The following HIVEP3 variants were observed in gnomAD, a reference collection of about 807,000 sequenced individuals.
HIVEP3 encodes transcription factor HIVEP3.
In HIVEP3, 49 loss-of-function variants were observed where a neutral mutation model predicts 152.8. The ratio of observed to expected loss-of-function variants is 0.32; its 90% CI spans 0.26 to 0.41. The LOEUF (loss-of-function observed/expected upper bound fraction) is 0.41. Among genes scored for constraint, HIVEP3 ranks in the 10% least tolerant of loss-of-function variants. The probability of loss-of-function intolerance (pLI) is 1.00; values close to 1 mark genes in which losing one functional copy is unlikely to be tolerated. For synonymous variants in HIVEP3, 1,269 were observed against 1,289.0 expected (o/e 0.98, Z 0.33); for missense variants, 2,790 against 3,103.3 (o/e 0.90, Z 2.40).
chr1:41,649,921 T>C (rs1645520714), intron 2 of HIVEP3, among the ~76,000 whole-genome samples: 1 of 151,970 alleles, frequency 6.6e-6, no homozygotes, highest in East Asian at 1.9e-4. Context: ...GCAGGCATGA[T>C]GGAATTCATC....
intron 1 of HIVEP3, among the ~76,000 whole-genome samples, chr1:41,980,400 T>C (rs1645287674): frequency 6.6e-6 from 1 of 152,218 alleles, no homozygotes; most frequent in South Asian, 2.1e-4. Context: ...TGATACATGC[T>C]ACAATGCGAT....
chr1:41,763,535 A>G (rs947135996), intron 1 of HIVEP3, among the ~76,000 whole-genome samples: 4 of 152,216 alleles, frequency 2.6e-5, no homozygotes, highest in African/African-American at 9.6e-5. Flanking sequence ...TTCATTCACT[A>G]GACTGGTAGT....
intron 2 of HIVEP3, among the ~76,000 whole-genome samples, chr1:41,631,555 G>A (rs1428592417): frequency 6.6e-6 from 1 of 151,944 alleles, no homozygotes; most frequent in Non-Finnish European, 1.5e-5. Context: ...CAACCATATC[G>A]CACTGCTGAT....
intron 3 of HIVEP3, among the ~76,000 whole-genome samples, chr1:41,610,405 C>T (rs927454610): frequency 4.6e-5 from 7 of 152,244 alleles, no homozygotes; most frequent in African/African-American, 1.7e-4. Context: ...AGGAGCCAGT[C>T]TCATTCACCA....
chr1:41,867,962 C>T (rs1644009518), intron 1 of HIVEP3, among the ~76,000 whole-genome samples: 1 of 148,664 alleles, frequency 6.7e-6, no homozygotes, highest in South Asian at 2.2e-4. Context: ...AGAGGCTTTC[C>T]ATCTCACTCA....
intron 2 of HIVEP3, among the ~76,000 whole-genome samples, chr1:41,680,992 G>A (rs368755557): frequency 6.6e-6 from 1 of 152,118 alleles, no homozygotes; most frequent in African/African-American, 2.4e-5. Context: ...ATCCCTGGAG[G>A]GGGTATTAAT....
chr1:41,532,141 A>G (rs1643278691), intron 5 of HIVEP3, among the ~76,000 whole-genome samples: 3 of 102,424 alleles, frequency 2.9e-5, no homozygotes, highest in Non-Finnish European at 6.2e-5. Context: ...TGGAGGCAGG[A>G]GAGATGGAAG....
At chr1:41,906,246 T>G (rs1644707760) in intron 1 of HIVEP3, among the ~76,000 whole-genome samples, 4 of 151,510 alleles carry the variant, frequency 2.6e-5, no homozygotes, top group African/African-American at 9.7e-5. Context: ...GAGGTGGAGG[T>G]TGCAGTGAGC....
intron 1 of HIVEP3, among the ~76,000 whole-genome samples, chr1:41,721,239 C>G (rs1217986667): frequency 6.6e-6 from 1 of 151,222 alleles, no homozygotes; most frequent in Non-Finnish European, 1.5e-5. Context: ...TTCAGTTTCA[C>G]TATTGTCGCC....
At chr1:41,529,732 C>A (rs192993237) in intron 5 of HIVEP3, among the ~76,000 whole-genome samples, 7 of 147,366 alleles carry the variant, frequency 4.8e-5, no homozygotes, top group African/African-American at 1.8e-4. Context: ...CATACACACG[C>A]CACCCTCACA....
At chr1:41,701,394 G>A (rs1046480158) in intron 1 of HIVEP3, among the ~76,000 whole-genome samples, 5 of 152,246 alleles carry the variant, frequency 3.3e-5, no homozygotes, top group African/African-American at 1.2e-4. Flanking sequence ...GCATTCAACA[G>A]CCATTTGGGA....
At chr1:41,803,718 T>C (rs1468841980) in intron 1 of HIVEP3, among the ~76,000 whole-genome samples, 2 of 152,148 alleles carry the variant, frequency 1.3e-5, no homozygotes, top group African/African-American at 4.8e-5. Flanking sequence ...CCTGGTACAC[T>C]CTCCTCAGAA....
intron 3 of HIVEP3, among the ~76,000 whole-genome samples, chr1:41,613,097 G>A (rs143463798): frequency 6.6e-6 from 1 of 152,248 alleles, no homozygotes; most frequent in Non-Finnish European, 1.5e-5. Context: ...CACTGGGCGC[G>A]GAGTCAGCCG....
chr1:41,897,674 G>A (rs1644551515), intron 1 of HIVEP3, among the ~76,000 whole-genome samples: 1 of 152,154 alleles, frequency 6.6e-6, no homozygotes, highest in Non-Finnish European at 1.5e-5. Flanking sequence ...AGATATTGAG[G>A]ATGGAGGATT....
chr1:41,506,938 A>G lies in HIVEP3; in HGVS notation c.*3513T>C, dbSNP rs1476074886. The G allele has an allele frequency of 6.6e-6, 1 of 151,678 alleles. No homozygotes were observed. Among genetic ancestry groups the G allele is most frequent in the Admixed American group, 6.6e-5 (1 of 15,184 alleles). The allele number at this position is 151,678 out of a possible 1,614,324, so 9.4% of individuals were successfully genotyped here. A position where few individuals can be genotyped will look rare whatever the true frequency, so the allele number is the denominator to read the frequency against. ...TCTTTTTTTACATACTAGATTTATT[A>G]AAGTGACCATAAGTGCCGAAGCGGT... is the stretch of plus-strand genomic sequence containing the variant. On this transcript the variant is annotated 3_prime_UTR_variant, in exon 9 of 9. Coordinates refer to ENST00000372583, the MANE Select transcript of HIVEP3 (RefSeq NM_024503.5).
intron 1 of HIVEP3, among the ~76,000 whole-genome samples, chr1:41,849,910 C>T (rs996715692): frequency 6.6e-6 from 1 of 152,096 alleles, no homozygotes; most frequent in African/African-American, 2.4e-5. Flanking sequence ...AGGCTGGTCT[C>T]AAACTCCTGA....
At chr1:41,558,918 T>C (rs1644011971) in intron 5 of HIVEP3, among the ~76,000 whole-genome samples, 1 of 152,142 alleles carries the variant, frequency 6.6e-6, no homozygotes, top group Non-Finnish European at 1.5e-5. Context: ...ACCACATTCT[T>C]GGGAGCCTGC....
chr1:41,980,344 G>A (rs2124509572), intron 1 of HIVEP3, among the ~76,000 whole-genome samples: 1 of 152,150 alleles, frequency 6.6e-6, no homozygotes, highest in South Asian at 2.1e-4. Context: ...ACAAAACAAG[G>A]GATATTCATC....
At chr1:41,943,456 G>C (rs970168703) in intron 1 of HIVEP3, among the ~76,000 whole-genome samples, 1 of 152,122 alleles carries the variant, frequency 6.6e-6, no homozygotes, top group Non-Finnish European at 1.5e-5. Context: ...ATACTCAGTG[G>C]CTTCCCACTA....
Sources: allele counts gnomAD v4.1 joint callset (sites outside exome capture counted in the v4.1 genomes callset), GRCh38; gene constraint gnomAD v4.1.1; transcripts MANE v1.5; gene names NCBI Gene and HGNC (gene_info 2026-07-23, HGNC 2026-07-21).